FSD1L: variants seen among roughly 807,000 people sequenced by gnomAD.
The protein encoded by FSD1L is FSD1-like protein.
In FSD1L, 45 loss-of-function variants were observed where a neutral mutation model predicts 71.6. That is an observed-to-expected ratio of 0.63 (90% CI 0.49 to 0.81). The LOEUF is 0.81. Among genes scored for constraint, FSD1L ranks in the 30% least tolerant of loss-of-function variants. The probability of loss-of-function intolerance (pLI) is 0.00; values close to 1 mark genes in which losing one functional copy is unlikely to be tolerated. For synonymous variants in FSD1L, 197 were observed against 207.2 expected, an observed-to-expected ratio of 0.95 and a Z score of 0.42; for missense variants, 561 against 618.1, an observed-to-expected ratio of 0.91 and a Z score of 0.98.
rs578065029 is a variant in FSD1L, at chr9:105,453,331, G to A, written c.15+5096G>A. Among the ~76,000 whole-genome samples, 65 of 151,876 alleles carry A rather than the reference G, an allele frequency of 4.3e-4. 1 individual carries two copies. Among genetic ancestry groups the A allele is most frequent in the African/African-American group, 1.4e-3 (59 of 41,412 alleles). ...CTCGTAGCTGGGATTATAGGCGCCC[G>A]CCACCACACTCAGCTAATTTTTTAA... On this transcript the variant is annotated intron_variant, in intron 1 of 13. Coordinates refer to ENST00000481272, the MANE Select transcript of FSD1L (RefSeq NM_001145313.3).
intron 1 of FSD1L, 123 bp from the exon 2 acceptor site, chr9:105,461,397 A>G (rs1830685496): frequency 2.2e-6 from 1 of 454,050 alleles, no homozygotes; most frequent in Non-Finnish European, 3.9e-6. Context: ...AATATTGACT[A>G]CATGTTGAAA....
At chr9:105,530,820 T>A in intron 10 of FSD1L, 1 of 471,572 alleles carries the variant, frequency 2.1e-6, no homozygotes, top group East Asian at 3.6e-5. Context: ...AATTTAGTAC[T>A]TTGGCTCAGG....
rs547146798 is a variant in FSD1L, at chr9:105,548,610, A to C, written c.*2127A>C. On this transcript the variant is annotated 3_prime_UTR_variant, in exon 14 of 14. Transcript: ENST00000481272. ...TTAATCAGGGGCTGGAGGAGTATAC[A>C]TGATTCTTGTGTTCATGTTGTCATT... is the stretch of plus-strand genomic sequence containing the variant. 6.6e-6 allele frequency: 1 copy of C among 152,286 alleles called. No individual in the cohort carries two copies. Among genetic ancestry groups the C allele is most frequent in the Non-Finnish European group, 1.5e-5 (1 of 67,930 alleles). 9.4% of individuals were successfully genotyped at this position (152,286 alleles called of 1,614,324 possible). A position where few individuals can be genotyped will look rare whatever the true frequency, so the allele number is the denominator to read the frequency against.
intron 7 of FSD1L, among the ~76,000 whole-genome samples, chr9:105,505,622 T>C (rs1335139564): frequency 1.3e-5 from 2 of 152,224 alleles, no homozygotes; most frequent in African/African-American, 4.8e-5. Flanking sequence ...TTTTACTTTA[T>C]AATTGGTATT....
intron 5 of FSD1L, among the ~76,000 whole-genome samples, chr9:105,477,933 T>C (rs1251205333): frequency 3.3e-5 from 5 of 152,194 alleles, no homozygotes; most frequent in Non-Finnish European, 5.9e-5. Flanking sequence ...CTGTATAATA[T>C]GCTGATCTCT....
chr9:105,466,504 C>T (rs530753044), intron 3 of FSD1L, among the ~76,000 whole-genome samples: 24 of 152,144 alleles, frequency 1.6e-4, no homozygotes, highest in Admixed American at 1.6e-3. Context: ...ACCAGCCTGG[C>T]CAACATTGTG....
intron 3 of FSD1L, among the ~76,000 whole-genome samples, chr9:105,465,893 A>G (rs76131381): frequency 1.3e-3 from 194 of 151,058 alleles, no homozygotes; most frequent in African/African-American, 4.5e-3. Flanking sequence ...TTTTTTTGAG[A>G]CAAAGACTTG....
intron 13 of FSD1L, among the ~76,000 whole-genome samples, chr9:105,541,281 C>T (rs957903979): frequency 1.8e-4 from 23 of 129,096 alleles, no homozygotes; most frequent in African/African-American, 6.4e-4. Flanking sequence ...AGGGTTGTTT[C>T]TTTTTCCTTT....
intron 8 of FSD1L, among the ~76,000 whole-genome samples, chr9:105,507,283 A>G (rs529253700): frequency 1.8e-4 from 27 of 152,336 alleles, no homozygotes; most frequent in African/African-American, 6.3e-4. Context: ...GAAAGCCTTT[A>G]TAAGAATGTC....
At chr9:105,534,199 T>C (rs1385965792) in intron 10 of FSD1L, among the ~76,000 whole-genome samples, 1 of 152,230 alleles carries the variant, frequency 6.6e-6, no homozygotes, top group African/African-American at 2.4e-5. Flanking sequence ...TTAGTAAATC[T>C]TGTCACATTT....
At chr9:105,470,103 T>G (rs1831356063) in intron 4 of FSD1L, among the ~76,000 whole-genome samples, 1 of 152,200 alleles carries the variant, frequency 6.6e-6, no homozygotes, top group Non-Finnish European at 1.5e-5. Flanking sequence ...CTGTCTGTTT[T>G]GTTCCATTGG....
At chr9:105,518,913 C>A (rs6477447) in intron 10 of FSD1L, among the ~76,000 whole-genome samples, 103,214 of 151,720 alleles carry the variant, frequency 0.68, 35,421 homozygotes, top group African/African-American at 0.77. Flanking sequence ...ACCACTAGCC[C>A]GACTAATAAA....
At chr9:105,464,482 A>G (rs1175475479) in intron 3 of FSD1L, among the ~76,000 whole-genome samples, 151 bp downstream of exon 3, 1 of 152,202 alleles carries the variant, frequency 6.6e-6, no homozygotes, top group Admixed American at 6.5e-5. Flanking sequence ...TTTTCATTGC[A>G]ATTCCTGTTT....
chr9:105,477,810 G>A (rs2131674688), intron 5 of FSD1L, among the ~76,000 whole-genome samples: 1 of 152,280 alleles, frequency 6.6e-6, no homozygotes, highest in East Asian at 1.9e-4. Context: ...GAATTTGTTT[G>A]TTTGTGTAGC....
chr9:105,461,767 A>G (rs1039067027), intron 2 of FSD1L, among the ~76,000 whole-genome samples, 152 bp downstream of exon 2: 1 of 152,162 alleles, frequency 6.6e-6, no homozygotes, highest in Non-Finnish European at 1.5e-5. Context: ...TAATCCCAAC[A>G]CTTTGGGAAG....
At chr9:105,509,977 A>G (rs1834300730) in intron 9 of FSD1L, among the ~76,000 whole-genome samples, 1 of 152,202 alleles carries the variant, frequency 6.6e-6, no homozygotes, top group Non-Finnish European at 1.5e-5. Context: ...AGAGCATCAT[A>G]TTTTTAAAAT....
intron 6 of FSD1L, among the ~76,000 whole-genome samples, chr9:105,479,650 T>G (rs1832041341): frequency 2.0e-5 from 3 of 152,240 alleles, no homozygotes. Flanking sequence ...TCTTAATTAG[T>G]TGTACTAATG....
chr9:105,513,678 T>C (rs1834530941), intron 10 of FSD1L: 2 of 1,431,198 alleles, frequency 1.4e-6, no homozygotes, highest in African/African-American at 1.4e-5. Context: ...AAAATCTAGC[T>C]TGGCTGATTA....
rs1489587125 is a variant in FSD1L, at chr9:105,496,303, T to A, written c.587-10096T>A. Among the ~76,000 whole-genome samples, 4 of 149,456 alleles carry A rather than the reference T, an allele frequency of 2.7e-5. No individual in the cohort carries two copies. The East Asian group carries it at 8.3e-4, about 31-fold the overall frequency. ...TCACTGCAAGCTCCGCCTCCCGTACTATGTCTGAGAGTTGACTAGTTTCAG... is the reference window on the plus strand; with the variant it reads ...TCACTGCAAGCTCCGCCTCCCGTACAATGTCTGAGAGTTGACTAGTTTCAG... On this transcript the variant is annotated intron_variant, in intron 7 of 13. Coordinates refer to ENST00000481272, the MANE Select transcript of FSD1L (RefSeq NM_001145313.3).
Sources: gnomAD v4.1 joint callset for allele counts (sites outside exome capture counted in the v4.1 genomes callset) on GRCh38, gnomAD v4.1.1 for gene constraint, MANE v1.5 for transcripts, NCBI Gene and HGNC (gene_info 2026-07-23, HGNC 2026-07-21) for gene names.